The following AGBL1 variants were observed in gnomAD, a reference collection of about 807,000 sequenced individuals.
AGBL1 encodes AGBL carboxypeptidase 1, also known as cytosolic carboxypeptidase 4.
Under a neutral mutation model 118.9 loss-of-function variants are expected in AGBL1, and 130 were observed. The ratio of observed to expected loss-of-function variants is 1.09; its 90% CI spans 0.95 to 1.26. AGBL1 has a LOEUF of 1.26. AGBL1 is among the 50% of genes most tolerant of loss of function. The pLI is 0.00. For synonymous variants in AGBL1, 555 were observed against 478.9 expected (o/e 1.16, Z -2.08); for missense variants, 1,584 against 1,298.1 (o/e 1.22, Z -3.38).
At chr15:86,131,887 A>G (rs901715113) in intron 1 of AGBL1, among the ~76,000 whole-genome samples, 1 of 151,162 alleles carries the variant, frequency 6.6e-6, no homozygotes, top group Non-Finnish European at 1.5e-5. Context: ...GCTGCAGTCC[A>G]GTTGAGGCTT....
intron 21 of AGBL1, chr15:86,630,173 C>T (rs1446771485): frequency 6.6e-6 from 1 of 152,222 alleles, no homozygotes; most frequent in Non-Finnish European, 1.5e-5. Context: ...CCTTTGTGTA[C>T]AAGGTTAATG....
At chr15:86,658,316 G>C (rs1383996212) in intron 21 of AGBL1, among the ~76,000 whole-genome samples, 2 of 152,126 alleles carry the variant, frequency 1.3e-5, no homozygotes, top group African/African-American at 4.8e-5. Context: ...CTTAGCCTGA[G>C]AATGTAACAA....
At chr15:86,498,334 G>A (rs1417415581) in intron 18 of AGBL1, among the ~76,000 whole-genome samples, 1 of 151,830 alleles carries the variant, frequency 6.6e-6, no homozygotes, top group Admixed American at 6.6e-5. Flanking sequence ...ACCATGACAG[G>A]TACTAAATAC....
chr15:86,084,550 A>T (rs1171238678), intron 1 of AGBL1, among the ~76,000 whole-genome samples: 1 of 152,208 alleles, frequency 6.6e-6, no homozygotes, highest in Non-Finnish European at 1.5e-5. Flanking sequence ...GTTCCCCTAA[A>T]GCCTTTTCAC....
At chr15:86,481,846 T>C (rs2082655675) in intron 18 of AGBL1, among the ~76,000 whole-genome samples, 1 of 152,130 alleles carries the variant, frequency 6.6e-6, no homozygotes, top group South Asian at 2.1e-4. Context: ...CTCTGATAGA[T>C]ATTGTCTGAC....
intron 22 of AGBL1, among the ~76,000 whole-genome samples, chr15:86,887,717 T>C (rs1437952326): frequency 6.6e-6 from 1 of 152,158 alleles, no homozygotes; most frequent in Non-Finnish European, 1.5e-5. Context: ...ACCAAGATTC[T>C]TTTAGCCGCA....
intron 18 of AGBL1, among the ~76,000 whole-genome samples, chr15:86,488,250 C>T (rs1052948307): frequency 1.3e-5 from 2 of 151,974 alleles, no homozygotes; most frequent in African/African-American, 4.8e-5. Flanking sequence ...TGGGAAGTCA[C>T]CCGAAGATAT....
intron 17 of AGBL1, among the ~76,000 whole-genome samples, chr15:86,334,874 A>G (rs1002622194): frequency 2.0e-5 from 3 of 152,208 alleles, no homozygotes; most frequent in Non-Finnish European, 4.4e-5. Flanking sequence ...AGACGATGAA[A>G]GAAGCAATAA....
intron 17 of AGBL1, among the ~76,000 whole-genome samples, chr15:86,393,975 G>T (rs1200377764): frequency 6.6e-6 from 1 of 152,092 alleles, no homozygotes; most frequent in Non-Finnish European, 1.5e-5. Context: ...AGAAGGCGGG[G>T]CCTCACCAGG....
At chr15:86,553,686 C>A (rs746179665) in intron 20 of AGBL1, among the ~76,000 whole-genome samples, 3 of 152,134 alleles carry the variant, frequency 2.0e-5, no homozygotes, top group Non-Finnish European at 4.4e-5. Flanking sequence ...AATTTCAAGT[C>A]CCTTTGAAAT....
chr15:86,661,280 C>T (rs2085533945), intron 21 of AGBL1, among the ~76,000 whole-genome samples: 2 of 152,044 alleles, frequency 1.3e-5, no homozygotes, highest in Admixed American at 6.6e-5. Flanking sequence ...TAAAATGACA[C>T]CCTGTACCAA....
chr15:86,725,602 A>G (rs2086807307), intron 22 of AGBL1, among the ~76,000 whole-genome samples: 1 of 152,174 alleles, frequency 6.6e-6, no homozygotes, highest in South Asian at 2.1e-4. Flanking sequence ...ATGTGTGAAC[A>G]TGTGTGTGGC....
At chr15:86,230,537 T>G (rs189471419) in intron 6 of AGBL1, among the ~76,000 whole-genome samples, 2 of 152,336 alleles carry the variant, frequency 1.3e-5, no homozygotes, top group Admixed American at 6.5e-5. Flanking sequence ...TCTGCCCTCC[T>G]GGCTCCGGGC....
chr15:86,225,035 T>G (rs1203338865), intron 6 of AGBL1, 84 bp downstream of exon 6: 10 of 759,378 alleles, frequency 1.3e-5, no homozygotes, highest in Non-Finnish European at 1.8e-5. Context: ...GGCTGTTTCT[T>G]TTTTTTTTTT....
At chr15:86,497,186 A>G (rs1230642294) in intron 18 of AGBL1, among the ~76,000 whole-genome samples, 2 of 151,956 alleles carry the variant, frequency 1.3e-5, no homozygotes, top group Non-Finnish European at 2.9e-5. Context: ...TATATTCAGT[A>G]GTTATATAAA....
At chr15:86,382,247 G>A (rs991816572) in intron 17 of AGBL1, among the ~76,000 whole-genome samples, 2 of 152,192 alleles carry the variant, frequency 1.3e-5, no homozygotes, top group East Asian at 3.9e-4. Flanking sequence ...ACACAGACCC[G>A]CAGGAAGGTT....
chr15:86,675,586 GC>G (rs954158131), intron 22 of AGBL1, among the ~76,000 whole-genome samples: 8 of 152,244 alleles, frequency 5.3e-5, no homozygotes, highest in African/African-American at 1.7e-4. Flanking sequence ...ACTTCTGCCT[GC>G]CCCTGGTCCC....
intron 22 of AGBL1, among the ~76,000 whole-genome samples, chr15:86,703,161 G>C (rs986303584): frequency 1.8e-4 from 28 of 152,140 alleles, no homozygotes; most frequent in Admixed American, 1.8e-3. Flanking sequence ...CATGGTTGTA[G>C]TATTCTGGTA....
intron 17 of AGBL1, among the ~76,000 whole-genome samples, chr15:86,353,966 A>T (rs2080671760): frequency 6.6e-6 from 1 of 152,210 alleles, no homozygotes; most frequent in African/African-American, 2.4e-5. Flanking sequence ...ATGGCTCAAG[A>T]CACAGTGTGC....
Sources: allele counts gnomAD v4.1 joint callset (sites outside exome capture counted in the v4.1 genomes callset), GRCh38; gene constraint gnomAD v4.1.1; transcripts MANE v1.5; gene names NCBI Gene and HGNC (gene_info 2026-07-23, HGNC 2026-07-21).